MBNL2: variants seen among roughly 807,000 people sequenced by gnomAD.
The protein encoded by MBNL2 is muscleblind like splicing regulator 2.
In MBNL2, 17 loss-of-function variants were observed where a neutral mutation model predicts 41.9. The ratio of observed to expected loss-of-function variants is 0.41; its 90% CI spans 0.28 to 0.61. MBNL2 has a LOEUF of 0.61. MBNL2 is among the 20% of genes least tolerant of loss of function. The pLI is 0.35. For missense variants in MBNL2, 336 were observed against 505.6 expected (o/e 0.66, Z 3.22); for synonymous variants, 195 against 182.9 (o/e 1.07, Z -0.53).
At chr13:97,208,459 T>G in the MBNL2 span, among the ~76,000 whole-genome samples, 3 of 152,180 alleles carry the variant, frequency 2.0e-5, no homozygotes, top group Non-Finnish European at 4.4e-5. Flanking sequence ...TTGGCCCAGA[T>G]TGTACAATAG....
At chr13:97,327,906 G>C (rs1308693462) in intron 2 of MBNL2, among the ~76,000 whole-genome samples, 1 of 152,168 alleles carries the variant, frequency 6.6e-6, no homozygotes, top group African/African-American at 2.4e-5. Flanking sequence ...TGAAAAGAAA[G>C]TGTCAATAGT....
In MBNL2 at chr13:97,354,114, G is replaced by A. The variant is rs1405548789; in HGVS notation, c.805-2682G>A. On this transcript the variant is annotated intron_variant, in intron 5 of 8. Transcript: ENST00000679496. ...TCACTCATGCACACCAAGCTGGAGA[G>A]GCCCAGAGAAGCAAAGCCTCAGAAT... is the stretch of plus-strand genomic sequence containing the variant. Among the ~76,000 whole-genome samples, 4 of 151,080 alleles carry A rather than the reference G, an allele frequency of 2.6e-5. No individual in the cohort carries two copies. In the East Asian group the frequency reaches 7.8e-4, roughly 29 times the overall value.
intron 3 of MBNL2, among the ~76,000 whole-genome samples, chr13:97,336,705 C>G (rs138628874): frequency 5.3e-5 from 8 of 152,182 alleles, no homozygotes; most frequent in African/African-American, 1.9e-4. Flanking sequence ...CCAGTGAAAC[C>G]GATTTGGAAC....
Position 97,366,506 on chromosome 13 carries a change from ACTC to A in MBNL2, c.1048+1338_1048+1340del. The A allele has an allele frequency of 6.2e-7, 1 of 1,612,908 alleles. No individual in the cohort carries two copies. Among genetic ancestry groups the A allele is most frequent in the Non-Finnish European group, 8.5e-7 (1 of 1,179,298 alleles). On this transcript the variant is annotated intron_variant, in intron 8 of 8. Transcript: ENST00000679496. The surrounding 1 kb of genome is among the most constrained non-coding windows in gnomAD (Gnocchi z 4.7). ...GTCCGCCACTGTCTCTGCAGCAACA[ACTC>A]CTGCAACAAGTGTCCCCTTCGCAGC...
intron 2 of MBNL2, among the ~76,000 whole-genome samples, chr13:97,288,921 A>G (rs985052264): frequency 6.6e-6 from 1 of 152,208 alleles, no homozygotes; most frequent in Non-Finnish European, 1.5e-5. Flanking sequence ...GCTAAGACTG[A>G]TGAGACCATT....
chr13:97,183,620 T>C, the MBNL2 span, among the ~76,000 whole-genome samples: 1 of 152,194 alleles, frequency 6.6e-6, no homozygotes, highest in East Asian at 1.9e-4. Flanking sequence ...TTGACAATTT[T>C]ACGCCCACAG....
At chr13:97,245,659 A>G (rs1317529503) in intron 1 of MBNL2, among the ~76,000 whole-genome samples, 1 of 152,264 alleles carries the variant, frequency 6.6e-6, no homozygotes, top group East Asian at 1.9e-4. Context: ...AGTTGGAGGA[A>G]TAAAATTATT....
At chr13:97,292,081 G>T (rs1157942699) in intron 2 of MBNL2, among the ~76,000 whole-genome samples, 4 of 145,900 alleles carry the variant, frequency 2.7e-5, no homozygotes, top group African/African-American at 1.0e-4. Flanking sequence ...GGCGCCTGTA[G>T]TCCCAGCTAC....
At chr13:97,340,732 A>G (rs1464971899) in intron 3 of MBNL2, among the ~76,000 whole-genome samples, 1 of 152,220 alleles carries the variant, frequency 6.6e-6, no homozygotes, top group Non-Finnish European at 1.5e-5. Context: ...CTATGGTTTT[A>G]CTTTAAAATA....
intron 1 of MBNL2, among the ~76,000 whole-genome samples, chr13:97,266,934 C>G (rs1174206378): frequency 1.3e-5 from 2 of 152,182 alleles, no homozygotes; most frequent in Admixed American, 1.3e-4. Flanking sequence ...TTAATCAGCT[C>G]CCTAGGAGGC....
At chr13:97,284,965 G>T (rs912903338) in intron 2 of MBNL2, among the ~76,000 whole-genome samples, 2 of 152,174 alleles carry the variant, frequency 1.3e-5, no homozygotes, top group Non-Finnish European at 2.9e-5. Context: ...GCTAACTTTT[G>T]TTAGTCGGTG....
chr13:97,331,164 T>C (rs1190765705), intron 2 of MBNL2, among the ~76,000 whole-genome samples: 1 of 152,236 alleles, frequency 6.6e-6, no homozygotes, highest in Non-Finnish European at 1.5e-5. Flanking sequence ...ACATTTATCT[T>C]TCTTTTGATA....
the MBNL2 span, among the ~76,000 whole-genome samples, chr13:97,212,714 G>C: frequency 6.6e-6 from 1 of 152,132 alleles, no homozygotes; most frequent in East Asian, 1.9e-4. Context: ...CAATAGCATT[G>C]TGCTTGACTC....
At chr13:97,263,217 G>A (rs6491346) in intron 1 of MBNL2, among the ~76,000 whole-genome samples, 10,980 of 152,078 alleles carry the variant, frequency 0.072, 683 homozygotes, top group African/African-American at 0.17. Flanking sequence ...TGTAATTTTT[G>A]ACCTTTCTGC....
the MBNL2 span, among the ~76,000 whole-genome samples, chr13:97,191,043 G>GTAA: frequency 6.6e-6 from 1 of 152,020 alleles, no homozygotes; most frequent in African/African-American, 2.4e-5. Context: ...ATCCATGCCT[G>GTAA]TAATGAAGTC....
intron 3 of MBNL2, among the ~76,000 whole-genome samples, chr13:97,338,564 C>T (rs1403915091): frequency 6.6e-6 from 1 of 152,162 alleles, no homozygotes; most frequent in Non-Finnish European, 1.5e-5. Context: ...GAAAAGTCCC[C>T]TTCATTTATT....
At chr13:97,160,091 C>T in the MBNL2 span, among the ~76,000 whole-genome samples, 6 of 152,124 alleles carry the variant, frequency 3.9e-5, no homozygotes, top group African/African-American at 1.2e-4. Context: ...AGGCTTTGCT[C>T]GTTTCTTTTT....
At chr13:97,337,465 C>T (rs1368276486) in intron 3 of MBNL2, among the ~76,000 whole-genome samples, 1 of 152,190 alleles carries the variant, frequency 6.6e-6, no homozygotes, top group East Asian at 1.9e-4. Flanking sequence ...TTTTCCTCTT[C>T]CATATGTTGA....
At chr13:97,156,733 C>T in the MBNL2 span, among the ~76,000 whole-genome samples, 2 of 150,818 alleles carry the variant, frequency 1.3e-5, no homozygotes, top group African/African-American at 4.9e-5. Flanking sequence ...TCTGAGGGCT[C>T]TGTTCTGTTC....
Sources: gnomAD v4.1 joint callset for allele counts (sites outside exome capture counted in the v4.1 genomes callset) on GRCh38, gnomAD v4.1.1 for gene constraint, Gnocchi (gnomAD v3.1) non-coding constraint, MANE v1.5 for transcripts, NCBI Gene and HGNC (gene_info 2026-07-23, HGNC 2026-07-21) for gene names.